NFATC1: variants seen among roughly 807,000 people sequenced by gnomAD.
NFATC1 encodes the protein nuclear factor of activated T cells 1, also known as nuclear factor of activated T-cells, cytoplasmic 1.
Under a neutral mutation model 76.0 loss-of-function variants are expected in NFATC1, and 22 were observed. The observed-to-expected ratio is 0.29, with a 90% confidence interval of 0.21 to 0.41. The LOEUF (loss-of-function observed/expected upper bound fraction) is 0.41. Ranked by LOEUF, NFATC1 falls within the 10% of genes least tolerant of loss-of-function variation. The pLI is 1.00. For missense variants in NFATC1, 1,357 were observed against 1,337.7 expected (o/e 1.01, Z -0.23); for synonymous variants, 704 against 613.1 (o/e 1.15, Z -2.19).
Position 79,451,698 on chromosome 18 carries a change from G to C in NFATC1, c.1785G>C (p.Leu595=), listed in dbSNP as rs570637145. 3 of 1,611,878 alleles carry C rather than the reference G, an allele frequency of 1.9e-6. No individual in the cohort carries two copies. In the South Asian group the frequency reaches 3.3e-5, roughly 18 times the overall value. Residue 595 remains leucine (L), a synonymous_variant, in exon 6 of 10, where the codon CTG becomes CTC. Coordinates refer to ENST00000427363, the MANE Select transcript of NFATC1 (RefSeq NM_001278669.2). ...IECSQRSAQE[L]PLVEKQSTDS... is the part of the protein sequence containing the mutation. ...CAGCCCAGCGCTCAGCTCAGGAGCT[G>C]CCTCTGGTGGAGAAGCAGAGCACGG...
chr18:79,424,316 A>G (rs890020247), intron 2 of NFATC1, among the ~76,000 whole-genome samples: 1 of 152,156 alleles, frequency 6.6e-6, no homozygotes, highest in Non-Finnish European at 1.5e-5. Context: ...AAACTTTCTC[A>G]GGGCCGAGTT....
At chr18:79,419,694 G>T (rs1445558301) in intron 2 of NFATC1, among the ~76,000 whole-genome samples, 1 of 152,254 alleles carries the variant, frequency 6.6e-6, no homozygotes, top group Non-Finnish European at 1.5e-5. Context: ...GGGAGGAAGT[G>T]TCTGGTCCTG....
chr18:79,518,683 G>T (rs977517850), intron 9 of NFATC1, among the ~76,000 whole-genome samples: 1 of 152,252 alleles, frequency 6.6e-6, no homozygotes, highest in Admixed American at 6.5e-5. Context: ...GCTACTCACC[G>T]CAGTGTGAGG....
At chr18:79,456,086 G>A (rs984220136) in intron 6 of NFATC1, among the ~76,000 whole-genome samples, 1 of 152,194 alleles carries the variant, frequency 6.6e-6, no homozygotes, top group African/African-American at 2.4e-5. Flanking sequence ...GCTCTGACAG[G>A]CACCTGGCCG....
chr18:79,499,272 T>C (rs1326823914), intron 9 of NFATC1, among the ~76,000 whole-genome samples: 1 of 152,222 alleles, frequency 6.6e-6, no homozygotes, highest in Non-Finnish European at 1.5e-5. Context: ...AGTATTCATC[T>C]GAAATAGACT....
At chr18:79,434,418 G>A (rs958998259) in intron 3 of NFATC1, among the ~76,000 whole-genome samples, 1 of 152,234 alleles carries the variant, frequency 6.6e-6, no homozygotes, top group African/African-American at 2.4e-5. Flanking sequence ...GACGGGCAGC[G>A]TCTGCACAGA....
At chr18:79,472,809 G>C (rs572506469) in intron 8 of NFATC1, among the ~76,000 whole-genome samples, 1 of 152,356 alleles carries the variant, frequency 6.6e-6, no homozygotes, top group East Asian at 1.9e-4. Flanking sequence ...CGTCAGGTCA[G>C]CCCTGGCCTC....
At chr18:79,490,754 A>G (rs780836814) in intron 9 of NFATC1, among the ~76,000 whole-genome samples, 1 of 152,118 alleles carries the variant, frequency 6.6e-6, no homozygotes, top group Non-Finnish European at 1.5e-5. Context: ...TGGAGCATCC[A>G]CCAACATGGC....
intron 2 of NFATC1, among the ~76,000 whole-genome samples, chr18:79,413,206 A>G (rs978962977): frequency 1.3e-5 from 2 of 152,202 alleles, no homozygotes; most frequent in Non-Finnish European, 2.9e-5. Flanking sequence ...GATGTCATCA[A>G]GGTCCCAAGA....
Position 79,413,024 on chromosome 18 carries a change from T to C in NFATC1, c.1226+1523T>C, listed in dbSNP as rs541197580. Among the ~76,000 whole-genome samples, 4 of 152,354 alleles carry C rather than the reference T, an allele frequency of 2.6e-5. No individual in the cohort carries two copies. The East Asian group carries it at 7.7e-4, about 29-fold the overall frequency. On this transcript the variant is annotated intron_variant, in intron 2 of 9. Transcript: ENST00000427363. ...CATTGGGAAAATTTAAGAACTGTTT[T>C]TGCCTGCTGTACTATCACTGTTATT...
chr18:79,437,189 G>T (rs1478744203), intron 3 of NFATC1, among the ~76,000 whole-genome samples: 1 of 152,220 alleles, frequency 6.6e-6, no homozygotes, highest in African/African-American at 2.4e-5. Flanking sequence ...GGTGGGGCCT[G>T]CGGGTAAGGA....
intron 3 of NFATC1, among the ~76,000 whole-genome samples, chr18:79,445,092 A>T (rs1425855999): frequency 6.6e-6 from 1 of 152,176 alleles, no homozygotes; most frequent in East Asian, 1.9e-4. Context: ...GCTCCCTTCG[A>T]CTACTGGCTC....
intron 9 of NFATC1, chr18:79,496,834 T>G (rs1404800520): frequency 6.6e-6 from 1 of 152,252 alleles, no homozygotes; most frequent in African/African-American, 2.4e-5. Context: ...AGAATGGCAC[T>G]GTGGGCAGGC....
chr18:79,404,675 G>A (rs2085373779), intron 1 of NFATC1, among the ~76,000 whole-genome samples: 1 of 152,216 alleles, frequency 6.6e-6, no homozygotes, highest in Non-Finnish European at 1.5e-5. Flanking sequence ...CAGAGTTTGT[G>A]AAAGATGAGA....
At chr18:79,522,019 G>T in intron 9 of NFATC1, among the ~76,000 whole-genome samples, 1 of 99,012 alleles carries the variant, frequency 1.0e-5, no homozygotes, top group South Asian at 4.4e-4. Context: ...GTGTGGGGGG[G>T]CGTCTGCTGA....
In NFATC1 at chr18:79,495,663, C is replaced by G. The variant is rs928029767; in HGVS notation, c.2782+8726C>G. On this transcript the variant is annotated intron_variant, in intron 9 of 9. Transcript: ENST00000427363. ...ACGGCCAGTGGCAGCAAAGAGAGAC[C>G]AAGCCCTGATGTTCAGCCGCGACTG... Among the ~76,000 whole-genome samples the G allele has an allele frequency of 2.2e-4, 33 of 152,370 alleles. No individual in the cohort carries two copies. The East Asian group carries it at 3.9e-3, about 18-fold the overall frequency.
rs528645940 is a variant in NFATC1 at position 79,524,380 on chromosome 18, C to T, written c.2783-3148C>T. On this transcript the variant is annotated intron_variant, in intron 9 of 9. Transcript: ENST00000427363. This position sits in a 1 kb window ranked among gnomAD's most constrained non-coding sequence, Gnocchi z 7.2. The stretch of plus-strand genomic sequence containing the variant: ...TGGGTGGGCGGTACAGCCTCCTCTG[C>T]GGTTCGGTTGCTGTGCTGTCCTCTG... 1.9e-3 allele frequency among the ~76,000 whole-genome samples: 286 copies of T among 152,348 alleles called. 1 individual carries two copies. Among genetic ancestry groups the T allele is most frequent in the African/African-American group, 6.4e-3 (266 of 41,570 alleles).
chr18:79,468,087 T>C, intron 8 of NFATC1: 2 of 733,924 alleles, frequency 2.7e-6, no homozygotes, highest in Non-Finnish European at 3.3e-6. Flanking sequence ...TAACTTCATC[T>C]CCTGGGACCA....
In NFATC1 at chr18:79,411,425, G is replaced by A; in HGVS notation, c.1150G>A (p.Asp384Asn). The A allele has an allele frequency of 3.2e-6, 5 of 1,548,260 alleles. No homozygotes were observed. Among genetic ancestry groups the A allele is most frequent in the East Asian group, 2.3e-5 (1 of 44,412 alleles). Residue 384 changes from aspartate to asparagine, a missense_variant, in exon 2 of 10, where the codon GAC (aspartate) becomes AAC (asparagine). By Grantham distance (23) the Asp-to-Asn change is conservative (BLOSUM62 1). Transcript: ENST00000427363. ...FQHIRKGGFC[D>N]QYLAVPQHPY... ...GCACATCAGGAAGGGCGGCTTCTGC[G>A]ACCAGTACCTGGCGGTGCCGCAGCA...
Sources: gnomAD v4.1 joint callset for allele counts (sites outside exome capture counted in the v4.1 genomes callset) on GRCh38, gnomAD v4.1.1 for gene constraint, Gnocchi (gnomAD v3.1) non-coding constraint, MANE v1.5 for transcripts, NCBI Gene and HGNC (gene_info 2026-07-23, HGNC 2026-07-21) for gene names.